Variants in CADPS2 observed in about 807,000 individuals in gnomAD.
The protein encoded by CADPS2 is calcium dependent secretion activator 2.
In CADPS2, 93 loss-of-function variants were observed where a neutral mutation model predicts 172.5. The ratio of observed to expected loss-of-function variants is 0.54; its 90% confidence interval spans 0.46 to 0.64. The LOEUF is 0.64. CADPS2 is among the 30% of genes least tolerant of loss of function. The pLI, the probability that CADPS2 is intolerant of heterozygous loss-of-function variation, is 0.00. For synonymous variants in CADPS2, 546 were observed against 555.2 expected, an observed-to-expected ratio of 0.98 and a Z score of 0.23; for missense variants, 1,420 against 1,565.9, an observed-to-expected ratio of 0.91 and a Z score of 1.57.
At chr7:122,472,983 C>G (rs1164641093) in intron 13 of CADPS2, among the ~76,000 whole-genome samples, 2 of 152,018 alleles carry the variant, frequency 1.3e-5, no homozygotes, top group Non-Finnish European at 2.9e-5. Flanking sequence ...TTGAGCATCC[C>G]AAATCCAAAA....
At chr7:122,476,537 T>C (rs2056639625) in intron 12 of CADPS2, among the ~76,000 whole-genome samples, 2 of 152,158 alleles carry the variant, frequency 1.3e-5, no homozygotes, top group Non-Finnish European at 2.9e-5. Context: ...AATTCCAAAC[T>C]ATATATCTGC....
intron 2 of CADPS2, among the ~76,000 whole-genome samples, chr7:122,727,706 G>T (rs978914665): frequency 1.3e-5 from 2 of 151,866 alleles, no homozygotes; most frequent in Non-Finnish European, 2.9e-5. Flanking sequence ...ATGCCATCAA[G>T]AATGCAGGCA....
chr7:122,656,906 T>C (rs935785963), intron 3 of CADPS2, among the ~76,000 whole-genome samples: 4 of 152,264 alleles, frequency 2.6e-5, no homozygotes, highest in African/African-American at 4.8e-5. Context: ...TGAATGGTAT[T>C]GCCTAGGTTT....
intron 1 of CADPS2, among the ~76,000 whole-genome samples, chr7:122,750,261 CAA>C (rs953749338): frequency 6.6e-6 from 1 of 151,882 alleles, no homozygotes; most frequent in African/African-American, 2.4e-5. Context: ...TTCAGGTAAA[CAA>C]TATGTCATTT....
At chr7:122,571,781 G>A (rs1160482916) in intron 7 of CADPS2, among the ~76,000 whole-genome samples, 4 of 152,140 alleles carry the variant, frequency 2.6e-5, no homozygotes, top group African/African-American at 9.7e-5. Flanking sequence ...TAAGCCATAT[G>A]TAGCCAATAC....
chr7:122,666,978 G>A (rs753544223), intron 2 of CADPS2, among the ~76,000 whole-genome samples: 32 of 152,162 alleles, frequency 2.1e-4, no homozygotes, highest in Non-Finnish European at 3.7e-4. Flanking sequence ...CAGCCCTGGG[G>A]GAGGGGGTGC....
At chr7:122,680,428 A>G (rs1300857479) in intron 2 of CADPS2, among the ~76,000 whole-genome samples, 1 of 152,198 alleles carries the variant, frequency 6.6e-6, no homozygotes, top group Non-Finnish European at 1.5e-5. Context: ...AAGCCCTTAG[A>G]CCAGGCCAGG....
chr7:122,754,483 T>A (rs2093077186), intron 1 of CADPS2, among the ~76,000 whole-genome samples: 1 of 152,154 alleles, frequency 6.6e-6, no homozygotes, highest in African/African-American at 2.4e-5. Flanking sequence ...GTCTTTTTTC[T>A]TTTTTTCTTT....
At chr7:122,588,062 G>A (rs1336048656) in intron 6 of CADPS2, among the ~76,000 whole-genome samples, 3 of 151,684 alleles carry the variant, frequency 2.0e-5, no homozygotes, top group South Asian at 2.1e-4. Flanking sequence ...TTTTTTTCTC[G>A]TAAATTTTTT....
chr7:122,436,393 A>G (rs2151932601), intron 17 of CADPS2: 1 of 1,272,894 alleles, frequency 7.9e-7, no homozygotes, highest in Non-Finnish European at 1.0e-6. Context: ...AAAACATAAG[A>G]AAAGAGAATT....
intron 1 of CADPS2, among the ~76,000 whole-genome samples, chr7:122,764,900 C>T (rs2093499560): frequency 6.6e-6 from 1 of 152,036 alleles, no homozygotes; most frequent in Non-Finnish European, 1.5e-5. Context: ...AAATCTGAAG[C>T]CTATTACACT....
chr7:122,784,840 C>T lies in CADPS2; in HGVS notation c.340-47772G>A, dbSNP rs145243846. On this transcript the variant is annotated intron_variant, in intron 1 of 29. Coordinates refer to ENST00000449022, the MANE Select transcript of CADPS2 (RefSeq NM_017954.11). ...GACCTTATTAAGCCTTTTTACTTTG[C>T]GGGCCAAAATCTTTCTTTAGCTCAG... Among the ~76,000 whole-genome samples, 363 of 152,114 alleles carry T rather than the reference C, an allele frequency of 2.4e-3. 2 individuals carry two copies. The highest frequency in any genetic ancestry group is 7.9e-3 in the African/African-American group (327 of 41,520).
At chr7:122,678,692 C>T (rs978650663) in intron 2 of CADPS2, among the ~76,000 whole-genome samples, 7 of 152,000 alleles carry the variant, frequency 4.6e-5, no homozygotes, top group Non-Finnish European at 7.4e-5. Flanking sequence ...CTCAAAAGGC[C>T]GATCTTAGGT....
chr7:122,507,850 G>T (rs981229992), intron 9 of CADPS2, among the ~76,000 whole-genome samples: 2 of 152,088 alleles, frequency 1.3e-5, no homozygotes, highest in African/African-American at 4.8e-5. Flanking sequence ...TTTTGCTATG[G>T]AACAGCAATC....
At position 122,774,279 on chromosome 7, in the gene CADPS2, C is replaced by T. The variant is rs921287340; in HGVS notation, c.340-37211G>A. Among the ~76,000 whole-genome samples, 129 of 146,886 alleles carry T rather than the reference C, an allele frequency of 8.8e-4. 2 individuals are homozygous for T. Among genetic ancestry groups the T allele is most frequent in the Non-Finnish European group, 3.2e-4 (21 of 66,408 alleles). On this transcript the variant is annotated intron_variant, in intron 1 of 29. Coordinates refer to ENST00000449022, the MANE Select transcript of CADPS2 (RefSeq NM_017954.11). ...AGACATAGATAGATATACACACACA[C>T]ACACACACACACACACACACACACA...
chr7:122,322,037 T>TA (rs140515369), intron 29 of CADPS2, among the ~76,000 whole-genome samples: 54,989 of 152,060 alleles, frequency 0.36, 10,155 homozygotes, highest in East Asian at 0.47. Context: ...ACCAGTGAGA[T>TA]AATTCTGAAA....
At chr7:122,607,206 A>G (rs1165549142) in intron 6 of CADPS2, among the ~76,000 whole-genome samples, 1 of 152,172 alleles carries the variant, frequency 6.6e-6, no homozygotes, top group Non-Finnish European at 1.5e-5. Flanking sequence ...AGAAGGAAAG[A>G]AAAAAGGTTT....
At chr7:122,679,581 T>C (rs145621057) in intron 2 of CADPS2, among the ~76,000 whole-genome samples, 9,841 of 152,190 alleles carry the variant, frequency 0.065, 362 homozygotes, top group South Asian at 0.17. Flanking sequence ...CCTTAAAGCA[T>C]GTGATCTCTG....
chr7:122,636,357 C>G (rs2430018), intron 3 of CADPS2, among the ~76,000 whole-genome samples: 78,582 of 151,508 alleles, frequency 0.52, 20,614 homozygotes, highest in East Asian at 0.72. Context: ...ACTTAGGAAG[C>G]TTAGTTTGGC....
Sources: allele counts gnomAD v4.1 joint callset (sites outside exome capture counted in the v4.1 genomes callset), GRCh38; gene constraint gnomAD v4.1.1; transcripts MANE v1.5; gene names NCBI Gene and HGNC (gene_info 2026-07-23, HGNC 2026-07-21).